ARB2A: variants seen among roughly 807,000 people sequenced by gnomAD.
ARB2A encodes ARB2 cotranscriptional regulator A.
chr5:93,943,723 G>A, the ARB2A span, among the ~76,000 whole-genome samples: 8 of 152,080 alleles, frequency 5.3e-5, no homozygotes, highest in Non-Finnish European at 1.0e-4. Context: ...TTAAGAACGT[G>A]TTAACTAAAA....
chr5:93,697,061 C>CA, the ARB2A span, among the ~76,000 whole-genome samples: 4,281 of 77,634 alleles, frequency 0.055, 257 homozygotes, highest in African/African-American at 0.17. Flanking sequence ...GACTCCATCT[C>CA]AAAAAAAAAA....
At chr5:93,875,421 AG>A in the ARB2A span, among the ~76,000 whole-genome samples, 6 of 151,970 alleles carry the variant, frequency 3.9e-5, no homozygotes, top group African/African-American at 1.4e-4. Context: ...TAGTAGTGAC[AG>A]GGTTTCACCA....
chr5:93,623,274 GTTAA>G, the ARB2A span, among the ~76,000 whole-genome samples: 67 of 150,392 alleles, frequency 4.5e-4, 1 homozygote, highest in Non-Finnish European at 1.5e-4. Context: ...AAAAAAAGGT[GTTAA>G]TTGTCTCTTT....
At chr5:93,988,039 C>T in the ARB2A span, among the ~76,000 whole-genome samples, 1 of 152,116 alleles carries the variant, frequency 6.6e-6, no homozygotes, top group African/African-American at 2.4e-5. Flanking sequence ...TTAACACCTC[C>T]TCCTTCATCC....
chr5:94,005,798 C>A, the ARB2A span, among the ~76,000 whole-genome samples: 1 of 152,090 alleles, frequency 6.6e-6, no homozygotes, highest in Non-Finnish European at 1.5e-5. Flanking sequence ...CCATCATTAG[C>A]CATTAGTGAA....
At chr5:93,978,301 G>A in the ARB2A span, among the ~76,000 whole-genome samples, 1 of 152,096 alleles carries the variant, frequency 6.6e-6, no homozygotes, top group Admixed American at 6.6e-5. Flanking sequence ...CTACCAAAAA[G>A]ATACCTGCAC....
chr5:93,716,637 T>A, the ARB2A span, among the ~76,000 whole-genome samples: 5 of 145,150 alleles, frequency 3.4e-5, no homozygotes, highest in Non-Finnish European at 7.4e-5. Flanking sequence ...CAAATTCACA[T>A]GTGGTTAGTT....
At chr5:93,677,025 C>T in the ARB2A span, among the ~76,000 whole-genome samples, 7 of 152,252 alleles carry the variant, frequency 4.6e-5, no homozygotes, top group African/African-American at 7.2e-5. Flanking sequence ...CATCATCCTA[C>T]GAATATCTGG....
chr5:93,644,283 A>T, the ARB2A span, among the ~76,000 whole-genome samples: 8 of 152,182 alleles, frequency 5.3e-5, no homozygotes, highest in Admixed American at 5.2e-4. Flanking sequence ...AAGTAATGAG[A>T]TCTATTGCAT....
chr5:93,695,606 C>T, the ARB2A span, among the ~76,000 whole-genome samples: 2 of 152,064 alleles, frequency 1.3e-5, no homozygotes, highest in Admixed American at 1.3e-4. Context: ...ATTAGTTCAC[C>T]CATTGTGGAA....
the ARB2A span, among the ~76,000 whole-genome samples, chr5:93,675,641 A>T: frequency 6.6e-6 from 1 of 152,226 alleles, no homozygotes; most frequent in Non-Finnish European, 1.5e-5. Flanking sequence ...TCAAACATGA[A>T]TTGCAAGTAC....
chr5:93,676,546 T>A, the ARB2A span, among the ~76,000 whole-genome samples: 1 of 152,204 alleles, frequency 6.6e-6, no homozygotes, highest in African/African-American at 2.4e-5. Flanking sequence ...ATAATCATGA[T>A]TTCTTCATTC....
At chr5:93,773,483 G>A in the ARB2A span, among the ~76,000 whole-genome samples, 1 of 152,112 alleles carries the variant, frequency 6.6e-6, no homozygotes, top group South Asian at 2.1e-4. Flanking sequence ...CCTAATTCAG[G>A]CAGGACGCTA....
chr5:93,772,405 A>G, the ARB2A span, among the ~76,000 whole-genome samples: 1 of 152,240 alleles, frequency 6.6e-6, no homozygotes, highest in South Asian at 2.1e-4. Flanking sequence ...ATGTATACAT[A>G]TGTAACTAAT....
the ARB2A span, among the ~76,000 whole-genome samples, chr5:94,084,867 A>G: frequency 1.3e-5 from 2 of 152,190 alleles, no homozygotes; most frequent in African/African-American, 4.8e-5. Flanking sequence ...TACATGATCA[A>G]TTTCAAATGG....
chr5:94,034,975 C>T, the ARB2A span, among the ~76,000 whole-genome samples: 6 of 152,268 alleles, frequency 3.9e-5, no homozygotes, highest in Admixed American at 2.0e-4. Flanking sequence ...CTAACTAACG[C>T]TTGATGATCT....
chr5:93,674,890 T>C, the ARB2A span, among the ~76,000 whole-genome samples: 1 of 152,228 alleles, frequency 6.6e-6, no homozygotes, highest in African/African-American at 2.4e-5. Flanking sequence ...GAAAACTCCC[T>C]GTCTTAATTT....
the ARB2A span, among the ~76,000 whole-genome samples, chr5:93,958,104 A>G: frequency 1.3e-5 from 2 of 152,046 alleles, no homozygotes; most frequent in Admixed American, 1.3e-4. Context: ...ATGTCAGAAA[A>G]ACATTTCACT....
chr5:93,865,355 A>C, the ARB2A span: 2 of 980,354 alleles, frequency 2.0e-6, no homozygotes, highest in Non-Finnish European at 2.4e-6. Flanking sequence ...TGCTGGGATT[A>C]CAGCATGAGC....
Sources: gnomAD v4.1 joint callset for allele counts (sites outside exome capture counted in the v4.1 genomes callset) on GRCh38, gnomAD v4.1.1 for gene constraint, MANE v1.5 for transcripts, NCBI Gene and HGNC (gene_info 2026-07-23, HGNC 2026-07-21) for gene names.